The following ALG9 variants were observed in gnomAD, a reference collection of about 807,000 sequenced individuals.
ALG9 encodes alpha-1,2-mannosyltransferase ALG9.
Under a neutral mutation model 81.8 loss-of-function variants are expected in ALG9, and 55 were observed. That is an observed-to-expected ratio of 0.67 (90% CI 0.54 to 0.84). ALG9 has a LOEUF of 0.84. Among genes scored for constraint, ALG9 ranks in the 40% least tolerant of loss-of-function variants. The pLI is 0.00. For synonymous variants in ALG9, 278 were observed against 274.3 expected (o/e 1.01, Z -0.13); for missense variants, 629 against 745.0 (o/e 0.84, Z 1.81).
intron 6 of ALG9, among the ~76,000 whole-genome samples, chr11:111,854,978 G>C (rs1958434824): frequency 1.3e-5 from 2 of 152,218 alleles, no homozygotes; most frequent in African/African-American, 4.8e-5. Flanking sequence ...CACCCAAGAG[G>C]TATTTGAGGA....
intron 13 of ALG9, among the ~76,000 whole-genome samples, chr11:111,813,870 T>A (rs1243061588): frequency 6.6e-6 from 1 of 152,244 alleles, no homozygotes; most frequent in African/African-American, 2.4e-5. Flanking sequence ...ATTAAGTTGG[T>A]AAGAGTTCTT....
rs914936929 is a variant in ALG9, at chr11:111,782,264, C to T, written c.*4133G>A. On this transcript the variant is annotated 3_prime_UTR_variant, in exon 15 of 15. Coordinates refer to ENST00000616540, the MANE Select transcript of ALG9 (RefSeq NM_024740.2). ...TAAGTATGTAATGTAAACACCGACA[C>T]GTGAAATAAAGTACAAGGATCAGGA... 5.3e-5 allele frequency: 8 copies of T among 152,190 alleles called. No homozygotes were observed. The highest frequency in any genetic ancestry group is 1.2e-4 in the Non-Finnish European group (8 of 68,030). 9.4% of individuals were successfully genotyped at this position (152,190 alleles called of 1,614,324 possible).
rs1950426338 is a variant in ALG9 at position 111,809,683 on chromosome 11, ATTC to A, written c.1690_1692del (p.Glu564del). The A allele has an allele frequency of 1.9e-6, 3 of 1,614,116 alleles. No individual in the cohort carries two copies. The highest frequency in any genetic ancestry group is 4.5e-5 in the East Asian group (2 of 44,872). On this transcript the variant is annotated inframe_deletion, in exon 14 of 15. Transcript: ENST00000616540. ...AATGGTCTATAGGCCAAGCTGATCC[ATTC>A]TTCTTTATTGGATGAATATTTTGGC...
the ALG9 span, among the ~76,000 whole-genome samples, chr11:111,772,465 A>G: frequency 6.6e-6 from 1 of 152,194 alleles, no homozygotes; most frequent in African/African-American, 2.4e-5. Context: ...AATAGTACAT[A>G]CAATGGTTAG....
At chr11:111,812,915 C>CAAAAAAAAAAAAAAAAAAAAAAA (rs57311061) in intron 13 of ALG9, among the ~76,000 whole-genome samples, 2 of 98,770 alleles carry the variant, frequency 2.0e-5, no homozygotes, top group African/African-American at 1.0e-4. Flanking sequence ...GACTCTGTCT[C>CAAAAAAAAAAAAAAAAAAAAAAA]AAAAAAAAAA....
intron 14 of ALG9, among the ~76,000 whole-genome samples, chr11:111,800,861 G>A (rs1949022252): frequency 6.6e-6 from 1 of 152,116 alleles, no homozygotes; most frequent in Non-Finnish European, 1.5e-5. Flanking sequence ...GTGATGGGTG[G>A]ACAGACAGAC....
In ALG9 at chr11:111,786,672, C is replaced by A. The variant is rs145750783; in HGVS notation, c.1734-152G>T. ...AGCCTATTATTTCGGTACTAGATCA[C>A]GATAAAAGACTTAATCAAGGCCGAG... is the stretch of plus-strand genomic sequence containing the variant. On this transcript the variant is annotated intron_variant, in intron 14 of 14. Coordinates refer to ENST00000616540, the MANE Select transcript of ALG9 (RefSeq NM_024740.2). 196 of 938,454 alleles carry A rather than the reference C, an allele frequency of 2.1e-4. No individual in the cohort carries two copies. The African/African-American group carries it at 3.1e-3, about 15-fold the overall frequency. The allele number at this position is 938,454 out of a possible 1,614,324, so 58.1% of individuals were successfully genotyped here.
At chr11:111,817,551 C>T (rs1408373626) in intron 13 of ALG9, 1 of 152,152 alleles carries the variant, frequency 6.6e-6, no homozygotes, top group African/African-American at 2.4e-5. Flanking sequence ...TCCCCAGGCT[C>T]AAGTGATCCT....
intron 9 of ALG9, among the ~76,000 whole-genome samples, chr11:111,843,268 A>C (rs782619130): frequency 6.6e-6 from 1 of 152,220 alleles, no homozygotes; most frequent in Non-Finnish European, 1.5e-5. Flanking sequence ...CGAAAGAAAA[A>C]AAGTAAGATG....
chr11:111,839,773 AATT>A (rs1279173727), intron 10 of ALG9, among the ~76,000 whole-genome samples: 4 of 152,190 alleles, frequency 2.6e-5, no homozygotes, highest in Non-Finnish European at 4.4e-5. Context: ...TTATAATTAA[AATT>A]ATTTTTTAAA....
Position 111,844,726 on chromosome 11 carries a change from G to A in ALG9, c.896-3C>T, listed in dbSNP as rs782063335. 49 of 1,613,360 alleles carry A rather than the reference G, an allele frequency of 3.0e-5. No individual in the cohort carries two copies. The Admixed American group carries it at 8.2e-4, about 27-fold the overall frequency. ...ATAGAAATACCAGGGTTCTGTACCT[G>A]AGGGAGACATAAAGGTAAGAAATCA... On this transcript the variant is annotated splice_region_variant and splice_polypyrimidine_tract_variant and intron_variant, in intron 8 of 14. Coordinates refer to ENST00000616540, the MANE Select transcript of ALG9 (RefSeq NM_024740.2).
intron 1 of ALG9, chr11:111,870,631 C>T: frequency 1.3e-6 from 1 of 764,694 alleles, no homozygotes; most frequent in South Asian, 2.8e-5. Flanking sequence ...TCAAGTAATC[C>T]TCCTGCCTCA....
At chr11:111,839,220 T>C (rs1184707530) in intron 10 of ALG9, among the ~76,000 whole-genome samples, 2 of 152,198 alleles carry the variant, frequency 1.3e-5, no homozygotes. Flanking sequence ...TGCTATATAT[T>C]ATATCCAACT....
chr11:111,773,701 T>A, the ALG9 span, among the ~76,000 whole-genome samples: 1 of 151,826 alleles, frequency 6.6e-6, no homozygotes, highest in South Asian at 2.1e-4. Context: ...TGTTATGGTG[T>A]TAAGTGAAAA....
At chr11:111,796,051 G>A (rs1948237751) in intron 14 of ALG9, among the ~76,000 whole-genome samples, 1 of 152,156 alleles carries the variant, frequency 6.6e-6, no homozygotes, top group Admixed American at 6.5e-5. Flanking sequence ...GAAGGATTAG[G>A]GGTCACATCA....
At position 111,871,345 on chromosome 11, in the gene ALG9, C is replaced by G. The variant is rs1360565067; in HGVS notation, c.131+7G>C. 1.3e-6 allele frequency: 2 copies of G among 1,519,138 alleles called. No individual in the cohort carries two copies. The highest frequency in any genetic ancestry group is 4.0e-5 in the Admixed American group (2 of 49,676). The allele number at this position is 1,519,138 out of a possible 1,614,324, so 94.1% of individuals were successfully genotyped here. ...CCGGCCACGCCCCTGCCGCGCCGCA[C>G]ACGTACTCGGTCCGGTGCTCCGCGC... On this transcript the variant is annotated splice_region_variant and intron_variant, in intron 1 of 14. Coordinates refer to ENST00000616540, the MANE Select transcript of ALG9 (RefSeq NM_024740.2).
intron 14 of ALG9, among the ~76,000 whole-genome samples, chr11:111,804,415 T>C (rs540114503): frequency 6.6e-6 from 1 of 152,122 alleles, no homozygotes; most frequent in Non-Finnish European, 1.5e-5. Flanking sequence ...ATCCAAAATA[T>C]ACAGGGAACT....
At chr11:111,821,444 C>T (rs1952358083) in intron 13 of ALG9, among the ~76,000 whole-genome samples, 1 of 152,224 alleles carries the variant, frequency 6.6e-6, no homozygotes, top group South Asian at 2.1e-4. Context: ...CCATGCCAGA[C>T]TAGAGTCAAG....
chr11:111,776,646 C>T, the ALG9 span, among the ~76,000 whole-genome samples: 2 of 152,078 alleles, frequency 1.3e-5, no homozygotes, highest in African/African-American at 4.8e-5. Flanking sequence ...CCCTCCTAAA[C>T]CTAAAACCAG....
Sources: allele counts gnomAD v4.1 joint callset (sites outside exome capture counted in the v4.1 genomes callset), GRCh38; gene constraint gnomAD v4.1.1; transcripts MANE v1.5; gene names NCBI Gene and HGNC (gene_info 2026-07-23, HGNC 2026-07-21).